The following LRFN5 variants were observed in gnomAD, a reference collection of about 807,000 sequenced individuals.
LRFN5 encodes the protein leucine-rich repeat and fibronectin type-III domain-containing protein 5.
Under a neutral mutation model 45.6 loss-of-function variants are expected in LRFN5, and 24 were observed. That is an observed-to-expected ratio of 0.53 (90% CI 0.38 to 0.74). The LOEUF is 0.74. Ranked by LOEUF, LRFN5 falls within the 30% of genes least tolerant of loss-of-function variation. The pLI is 0.00. For synonymous variants in LRFN5, 340 were observed against 313.8 expected, an observed-to-expected ratio of 1.08 and a Z score of -0.88; for missense variants, 776 against 861.5, an observed-to-expected ratio of 0.90 and a Z score of 1.24.
chr14:41,861,764 A>C (rs945863641), intron 2 of LRFN5, among the ~76,000 whole-genome samples: 9 of 152,176 alleles, frequency 5.9e-5, no homozygotes, highest in African/African-American at 2.2e-4. Flanking sequence ...GCAAAAAGTA[A>C]ATGTACAGCT....
At chr14:41,792,283 CA>C (rs1886950635) in intron 2 of LRFN5, among the ~76,000 whole-genome samples, 1 of 151,994 alleles carries the variant, frequency 6.6e-6, no homozygotes, top group Admixed American at 6.6e-5. Flanking sequence ...GGACGAAAGG[CA>C]AAACAGAACT....
At chr14:41,681,569 TAAAG>T (rs923722145) in intron 1 of LRFN5, among the ~76,000 whole-genome samples, 71 of 151,922 alleles carry the variant, frequency 4.7e-4, no homozygotes, top group African/African-American at 1.6e-3. Context: ...AAGGGAGAAA[TAAAG>T]ACTTTCCCAG....
chr14:41,818,524 C>G (rs181819925), intron 2 of LRFN5, among the ~76,000 whole-genome samples: 1 of 151,850 alleles, frequency 6.6e-6, no homozygotes, highest in South Asian at 2.1e-4. Flanking sequence ...CACACATACA[C>G]ATCCCATTTA....
chr14:41,673,787 C>T (rs1019191310), intron 1 of LRFN5, among the ~76,000 whole-genome samples: 1 of 146,660 alleles, frequency 6.8e-6, no homozygotes, highest in Non-Finnish European at 1.5e-5. Flanking sequence ...GGGCGGCTGG[C>T]CGGGCGGGGG....
intron 1 of LRFN5, among the ~76,000 whole-genome samples, chr14:41,736,034 T>G (rs1884416183): frequency 6.6e-6 from 1 of 152,058 alleles, no homozygotes. Flanking sequence ...GTTCCAAGTC[T>G]TTGCTATTGT....
At position 41,730,093 on chromosome 14, in the gene LRFN5, T is replaced by C. The variant is rs566892071; in HGVS notation, c.-196-36761T>C. Among the ~76,000 whole-genome samples, 4 of 152,216 alleles carry C rather than the reference T, an allele frequency of 2.6e-5. 1 individual carries two copies. Among genetic ancestry groups the C allele is most frequent in the African/African-American group, 9.6e-5 (4 of 41,588 alleles). ...TGTTTCTGGTATTTTAACATAGCAA[T>C]TGTTTTTCTGTTCATAAATAAAGAT... On this transcript the variant is annotated intron_variant, in intron 1 of 5. Transcript: ENST00000298119.
chr14:41,634,805 G>C (rs1460258671), intron 1 of LRFN5, among the ~76,000 whole-genome samples: 2 of 152,084 alleles, frequency 1.3e-5, no homozygotes, highest in African/African-American at 4.8e-5. Context: ...TCATTTGAAA[G>C]TGAAGTTTGT....
chr14:41,859,793 T>A (rs1889598304), intron 2 of LRFN5, among the ~76,000 whole-genome samples: 1 of 152,228 alleles, frequency 6.6e-6, no homozygotes, highest in East Asian at 1.9e-4. Context: ...TTATACCTTT[T>A]TAAAAATTAA....
intron 1 of LRFN5, among the ~76,000 whole-genome samples, chr14:41,627,232 A>G (rs1888364873): frequency 6.6e-6 from 1 of 152,098 alleles, no homozygotes; most frequent in African/African-American, 2.4e-5. Context: ...GCAGCTTATC[A>G]CCAGCATCTA....
At chr14:41,839,881 A>G (rs1888799099) in intron 2 of LRFN5, among the ~76,000 whole-genome samples, 1 of 152,110 alleles carries the variant, frequency 6.6e-6, no homozygotes, top group East Asian at 1.9e-4. Context: ...TAGCTTTGAT[A>G]ATACAGAGGG....
At chr14:41,813,547 G>A (rs1887811508) in intron 2 of LRFN5, among the ~76,000 whole-genome samples, 1 of 152,118 alleles carries the variant, frequency 6.6e-6, no homozygotes, top group Admixed American at 6.6e-5. Flanking sequence ...TGGCTGCATA[G>A]TATTCCATGG....
At chr14:41,822,937 T>A (rs1278440337) in intron 2 of LRFN5, among the ~76,000 whole-genome samples, 6 of 150,916 alleles carry the variant, frequency 4.0e-5, no homozygotes, top group Non-Finnish European at 8.8e-5. Context: ...TGATTTAAAG[T>A]CTGTTTTGTC....
At chr14:41,890,600 G>A (rs1486394122) in intron 3 of LRFN5, among the ~76,000 whole-genome samples, 2 of 151,654 alleles carry the variant, frequency 1.3e-5, no homozygotes, top group African/African-American at 4.8e-5. Flanking sequence ...CCAGCTACTC[G>A]GCAGGCTGAG....
intron 2 of LRFN5, among the ~76,000 whole-genome samples, chr14:41,810,664 A>T (rs1281098141): frequency 5.9e-5 from 9 of 152,080 alleles, no homozygotes; most frequent in Admixed American, 6.6e-5. Context: ...TAAAGGTTGT[A>T]TTTTACTTTC....
At chr14:41,714,116 A>G (rs1211958340) in intron 1 of LRFN5, among the ~76,000 whole-genome samples, 3 of 152,168 alleles carry the variant, frequency 2.0e-5, no homozygotes, top group Non-Finnish European at 2.9e-5. Context: ...TGGCAATCAT[A>G]CCTCAATAAA....
chr14:41,858,360 G>T (rs914806825), intron 2 of LRFN5, among the ~76,000 whole-genome samples: 1 of 151,930 alleles, frequency 6.6e-6, no homozygotes, highest in Non-Finnish European at 1.5e-5. Context: ...CTTTAGACAC[G>T]CATTCTCTCA....
chr14:41,625,949 A>G (rs937356397), intron 1 of LRFN5, among the ~76,000 whole-genome samples: 2 of 152,128 alleles, frequency 1.3e-5, no homozygotes, highest in Non-Finnish European at 2.9e-5. Flanking sequence ...CATGGAAGCC[A>G]TTGTGGGTAT....
intron 1 of LRFN5, among the ~76,000 whole-genome samples, chr14:41,716,598 A>G (rs1883504923): frequency 6.6e-6 from 1 of 152,142 alleles, no homozygotes; most frequent in Non-Finnish European, 1.5e-5. Flanking sequence ...CCTCATCTCC[A>G]TCTGAGACCA....
intron 2 of LRFN5, among the ~76,000 whole-genome samples, chr14:41,883,974 C>T (rs531757906): frequency 4.6e-5 from 7 of 152,180 alleles, no homozygotes; most frequent in African/African-American, 1.7e-4. Flanking sequence ...CCTTTCATCC[C>T]TTTTTATCAG....
Sources: gnomAD v4.1 joint callset for allele counts (sites outside exome capture counted in the v4.1 genomes callset) on GRCh38, gnomAD v4.1.1 for gene constraint, MANE v1.5 for transcripts, NCBI Gene and HGNC (gene_info 2026-07-23, HGNC 2026-07-21) for gene names.